SMYD2: variants seen among roughly 807,000 people sequenced by gnomAD.
The protein encoded by SMYD2 is N-lysine methyltransferase SMYD2.
In SMYD2, 53 loss-of-function variants were observed where a neutral mutation model predicts 59.1. That is an observed-to-expected ratio of 0.90 (90% CI 0.72 to 1.13). The LOEUF is 1.13. SMYD2 is among the 50% of genes most tolerant of loss of function. The pLI is 0.00. For synonymous variants in SMYD2, 208 were observed against 198.8 expected, an observed-to-expected ratio of 1.05 and a Z score of -0.39; for missense variants, 494 against 544.7, an observed-to-expected ratio of 0.91 and a Z score of 0.93.
At chr1:214,304,765 A>G (rs1047491104) in intron 1 of SMYD2, among the ~76,000 whole-genome samples, 3 of 152,162 alleles carry the variant, frequency 2.0e-5, no homozygotes, top group Non-Finnish European at 2.9e-5. Context: ...CATGGGGTCA[A>G]ACCTTCAATG....
chr1:214,292,292 T>G (rs1323126265), intron 1 of SMYD2, among the ~76,000 whole-genome samples: 2 of 152,180 alleles, frequency 1.3e-5, no homozygotes, highest in Non-Finnish European at 2.9e-5. Flanking sequence ...CTAAATTGTT[T>G]ATAGTAATGA....
chr1:214,333,520 C>T (rs1657390846), intron 10 of SMYD2: 1 of 152,468 alleles, frequency 6.6e-6, no homozygotes, highest in Non-Finnish European at 1.5e-5. Flanking sequence ...AACACACACA[C>T]TGGCTCACCC....
At chr1:214,303,800 C>T (rs910375327) in intron 1 of SMYD2, among the ~76,000 whole-genome samples, 2 of 152,238 alleles carry the variant, frequency 1.3e-5, no homozygotes, top group African/African-American at 2.4e-5. Context: ...CGCACGCCCC[C>T]GCCCCCGTCA....
At chr1:214,323,868 G>A (rs1657211874) in intron 5 of SMYD2, among the ~76,000 whole-genome samples, 1 of 152,250 alleles carries the variant, frequency 6.6e-6, no homozygotes, top group Admixed American at 6.5e-5. Flanking sequence ...AGGGATAGCA[G>A]TTAGATTAGA....
At chr1:214,303,433 T>A (rs1478040363) in intron 1 of SMYD2, among the ~76,000 whole-genome samples, 1 of 151,944 alleles carries the variant, frequency 6.6e-6, no homozygotes, top group African/African-American at 2.4e-5. Context: ...AAAGTCAGAG[T>A]TCAGTCCCTT....
intron 2 of SMYD2, among the ~76,000 whole-genome samples, 157 bp downstream of exon 2, chr1:214,305,407 G>A (rs1326895324): frequency 6.6e-6 from 1 of 152,116 alleles, no homozygotes; most frequent in Non-Finnish European, 1.5e-5. Context: ...CCTCACAGGC[G>A]GCCAGTGATA....
intron 5 of SMYD2, among the ~76,000 whole-genome samples, chr1:214,319,189 A>G (rs915314410): frequency 6.6e-6 from 1 of 152,072 alleles, no homozygotes; most frequent in African/African-American, 2.4e-5. Context: ...GCCCTCATTG[A>G]TGGGTGGAGT....
intron 10 of SMYD2, chr1:214,333,137 C>G (rs1293741397): frequency 6.6e-6 from 1 of 152,300 alleles, no homozygotes; most frequent in African/African-American, 2.4e-5. Flanking sequence ...AGGAAGCCAG[C>G]TCTTAAAATC....
At chr1:214,311,007 C>T (rs1012250971) in intron 2 of SMYD2, among the ~76,000 whole-genome samples, 1 of 152,180 alleles carries the variant, frequency 6.6e-6, no homozygotes, top group African/African-American at 2.4e-5. Flanking sequence ...AACGTTATTA[C>T]TGTGGTAAAT....
chr1:214,285,813 T>G (rs115790653), intron 1 of SMYD2, among the ~76,000 whole-genome samples: 1 of 152,058 alleles, frequency 6.6e-6, no homozygotes, highest in African/African-American at 2.4e-5. Flanking sequence ...CGTGAGAGAG[T>G]CTACTACTCA....
Position 214,330,234 on chromosome 1 carries a change from T to A in SMYD2, c.772T>A (p.Tyr258Asn), listed in dbSNP as rs1338877658. The change falls in exon 8 of 12, where the codon TAT (tyrosine) becomes AAT (asparagine). Residue 258 changes from tyrosine to asparagine, a missense_variant. By Grantham distance (143) the Tyr-to-Asn change is moderately radical (BLOSUM62 -2). Transcript: ENST00000366957. ...EDRNDRLRDS[Y>N]FFTCECQECT... ...TAGAAATGACCGGTTAAGAGATTCT[T>A]ATTTCTTTACCTGTGAGTGCCAGGA... The A allele has an allele frequency of 6.2e-7, 1 of 1,613,564 alleles. No homozygotes were observed. The highest frequency in any genetic ancestry group is 1.3e-5 in the African/African-American group (1 of 75,028).
At chr1:214,284,659 C>T (rs776090496) in intron 1 of SMYD2, among the ~76,000 whole-genome samples, 1 of 151,782 alleles carries the variant, frequency 6.6e-6, no homozygotes, top group African/African-American at 2.4e-5. Context: ...CTCCGCCTCC[C>T]GGGTTCAAGT....
intron 3 of SMYD2, 68 bp downstream of exon 3, chr1:214,314,940 TA>T: frequency 8.4e-7 from 1 of 1,190,528 alleles, no homozygotes; most frequent in Admixed American, 1.8e-5. Flanking sequence ...GAAAGATGAG[TA>T]ACTGACCTTT....
chr1:214,334,896 A>G (rs969052337), intron 11 of SMYD2, among the ~76,000 whole-genome samples: 1 of 152,192 alleles, frequency 6.6e-6, no homozygotes, highest in East Asian at 1.9e-4. Context: ...CTAAATTGAA[A>G]GCTTCGGCTC....
intron 7 of SMYD2, among the ~76,000 whole-genome samples, chr1:214,328,867 C>T (rs556210403): frequency 6.6e-6 from 1 of 152,314 alleles, no homozygotes; most frequent in South Asian, 2.1e-4. Flanking sequence ...TGAAGCCTTT[C>T]TTGAAACAGA....
intron 3 of SMYD2, 132 bp downstream of exon 3, chr1:214,315,004 A>G (rs1433003748): frequency 2.9e-6 from 2 of 697,948 alleles, no homozygotes; most frequent in African/African-American, 1.8e-5. Flanking sequence ...TCATATCCAT[A>G]TGGACAGGGG....
At chr1:214,299,747 C>T (rs1656791724) in intron 1 of SMYD2, among the ~76,000 whole-genome samples, 3 of 152,158 alleles carry the variant, frequency 2.0e-5, no homozygotes, top group South Asian at 2.1e-4. Flanking sequence ...GCTGAGACTA[C>T]AGGCGCCCGC....
At chr1:214,300,703 C>T (rs991512115) in intron 1 of SMYD2, among the ~76,000 whole-genome samples, 3 of 152,136 alleles carry the variant, frequency 2.0e-5, no homozygotes, top group Non-Finnish European at 4.4e-5. Flanking sequence ...GATGCTTCGG[C>T]GTGATGGAAA....
chr1:214,295,717 A>G (rs78381773), intron 1 of SMYD2, among the ~76,000 whole-genome samples: 2,165 of 152,312 alleles, frequency 0.014, 24 homozygotes, highest in Middle Eastern at 0.037. Context: ...GTTCACTGTT[A>G]CATTGTGGAT....
Sources: gnomAD v4.1 joint callset for allele counts (sites outside exome capture counted in the v4.1 genomes callset) on GRCh38, gnomAD v4.1.1 for gene constraint, MANE v1.5 for transcripts, NCBI Gene and HGNC (gene_info 2026-07-23, HGNC 2026-07-21) for gene names.